ANO10: variants seen among roughly 807,000 people sequenced by gnomAD.
ANO10 encodes the protein anoctamin-10.
ANO10 carries 77 observed loss-of-function variants against 74.7 expected under a neutral mutation model. The observed-to-expected ratio is 1.03, with a 90% confidence interval of 0.86 to 1.25. ANO10 has a LOEUF of 1.25. ANO10 is among the 50% of genes most tolerant of loss of function. ANO10 has a pLI of 0.00. For missense variants in ANO10, 721 were observed against 778.1 expected, an observed-to-expected ratio of 0.93 and a Z score of 0.87; for synonymous variants, 279 against 284.9, an observed-to-expected ratio of 0.98 and a Z score of 0.21.
intron 12 of ANO10, among the ~76,000 whole-genome samples, chr3:43,414,515 A>G (rs186914664): frequency 5.3e-5 from 8 of 152,344 alleles, no homozygotes; most frequent in African/African-American, 1.7e-4. Context: ...AAGGAAGGCT[A>G]CTGCTTGGTG....
chr3:43,546,310 AAG>A (rs2079188257), intron 11 of ANO10, among the ~76,000 whole-genome samples: 1 of 152,240 alleles, frequency 6.6e-6, no homozygotes, highest in Non-Finnish European at 1.5e-5. Context: ...AATCTTGAGA[AAG>A]AAGAACAAAG....
intron 3 of ANO10, among the ~76,000 whole-genome samples, chr3:43,600,067 C>T (rs911709440): frequency 1.3e-5 from 2 of 152,176 alleles, no homozygotes; most frequent in African/African-American, 4.8e-5. Context: ...AAGTAAGTTA[C>T]ATGTGTTCCT....
chr3:43,580,516 A>G (rs2081220324), intron 4 of ANO10, 44 bp from the exon 5 acceptor site: 1 of 1,608,496 alleles, frequency 6.2e-7, no homozygotes. Flanking sequence ...TGGACTGGAG[A>G]TTGTGCATGA....
intron 1 of ANO10, among the ~76,000 whole-genome samples, chr3:43,683,394 G>A (rs991926444): frequency 7.2e-5 from 11 of 152,122 alleles, no homozygotes; most frequent in African/African-American, 2.4e-4. Context: ...ACCTCTTCAA[G>A]GAGGACTACA....
intron 12 of ANO10, among the ~76,000 whole-genome samples, chr3:43,405,655 G>A (rs960497413): frequency 2.0e-5 from 3 of 151,968 alleles, no homozygotes; most frequent in African/African-American, 7.2e-5. Context: ...TGTATTTTTT[G>A]TAGAGACGAG....
chr3:43,513,951 T>G (rs2077610506), intron 11 of ANO10, among the ~76,000 whole-genome samples: 1 of 150,574 alleles, frequency 6.6e-6, no homozygotes, highest in South Asian at 2.1e-4. Context: ...TTGCTATTAT[T>G]TATAACATAG....
upstream of ANO10, chr3:43,622,016 C>G (rs1009455564): frequency 2.0e-5 from 3 of 152,068 alleles, no homozygotes; most frequent in African/African-American, 7.3e-5. Context: ...GCCAGTGGGG[C>G]GGGCGCCGCC....
chr3:43,582,247 C>T (rs542692245), intron 4 of ANO10, among the ~76,000 whole-genome samples: 9 of 152,000 alleles, frequency 5.9e-5, no homozygotes, highest in East Asian at 1.9e-4. Context: ...GTCAGGAGAT[C>T]GAGACCATCC....
intron 11 of ANO10, among the ~76,000 whole-genome samples, chr3:43,433,255 T>C (rs1332691892): frequency 6.6e-6 from 1 of 152,112 alleles, no homozygotes; most frequent in African/African-American, 2.4e-5. Context: ...GCCAACTTTA[T>C]TCTTTTTAAA....
chr3:43,656,443 G>C (rs1397532841), intron 1 of ANO10, among the ~76,000 whole-genome samples: 1 of 152,256 alleles, frequency 6.6e-6, no homozygotes, highest in Non-Finnish European at 1.5e-5. Flanking sequence ...TCAGCCCTTG[G>C]GTGGTTGATG....
At chr3:43,662,584 A>G (rs904648056) in intron 1 of ANO10, among the ~76,000 whole-genome samples, 3 of 151,984 alleles carry the variant, frequency 2.0e-5, no homozygotes, top group African/African-American at 7.2e-5. Context: ...GGAGATAGAG[A>G]CACAAAAAAA....
intron 12 of ANO10, among the ~76,000 whole-genome samples, chr3:43,422,148 G>A (rs893544765): frequency 6.6e-6 from 1 of 152,058 alleles, no homozygotes; most frequent in Non-Finnish European, 1.5e-5. Context: ...ATGGAGTCTC[G>A]CTCTGTCGCC....
rs569318480 is a variant in ANO10 at position 43,391,106 on chromosome 3, G to T, written c.1915-24132C>A. ...AGCATGTTTTCTGAACTATCTGAGG[G>T]TAAGCTGCAGACATTATGCCCTTTT... is the stretch of plus-strand genomic sequence containing the variant. On this transcript the variant is annotated intron_variant, in intron 12 of 12. Transcript: ENST00000292246. Among the ~76,000 whole-genome samples, 5 of 152,286 alleles carry T rather than the reference G, an allele frequency of 3.3e-5. No homozygotes were observed. The South Asian group carries it at 1.0e-3, about 32-fold the overall frequency.
intron 7 of ANO10, among the ~76,000 whole-genome samples, chr3:43,571,779 T>C (rs1216550035): frequency 1.4e-5 from 2 of 146,752 alleles, no homozygotes; most frequent in Admixed American, 6.9e-5. Flanking sequence ...GGCACATGTA[T>C]ACATATGTAA....
At chr3:43,464,459 C>A (rs2075525329) in intron 11 of ANO10, among the ~76,000 whole-genome samples, 1 of 152,282 alleles carries the variant, frequency 6.6e-6, no homozygotes, top group East Asian at 1.9e-4. Flanking sequence ...GTGGGAGGAT[C>A]ACTTGAACTC....
chr3:43,536,709 G>A (rs1457002786), intron 11 of ANO10, among the ~76,000 whole-genome samples: 2 of 151,950 alleles, frequency 1.3e-5, no homozygotes, highest in Non-Finnish European at 2.9e-5. Context: ...TGTTTGAAAG[G>A]AGCCATTTAC....
intron 1 of ANO10, chr3:43,691,094 G>A: frequency 4.0e-6 from 6 of 1,490,228 alleles, no homozygotes; most frequent in Non-Finnish European, 5.4e-6. Flanking sequence ...CCTCCGCGCG[G>A]GCCGGGTTAG....
intron 11 of ANO10, among the ~76,000 whole-genome samples, chr3:43,515,823 C>T (rs2077687524): frequency 6.6e-6 from 1 of 152,040 alleles, no homozygotes; most frequent in Non-Finnish European, 1.5e-5. Flanking sequence ...CTGTAAATAC[C>T]CCAGCCTGGG....
intron 6 of ANO10, among the ~76,000 whole-genome samples, chr3:43,576,388 A>T (rs2080994785): frequency 6.6e-6 from 1 of 152,230 alleles, no homozygotes. Flanking sequence ...ATCTTTATCC[A>T]TAAAAGGGTG....
Sources: gnomAD v4.1 joint callset for allele counts (sites outside exome capture counted in the v4.1 genomes callset) on GRCh38, gnomAD v4.1.1 for gene constraint, MANE v1.5 for transcripts, NCBI Gene and HGNC (gene_info 2026-07-23, HGNC 2026-07-21) for gene names.